SOD2: variants seen among roughly 807,000 people sequenced by gnomAD.
The protein encoded by SOD2 is superoxide dismutase [Mn], mitochondrial.
Under a neutral mutation model 27.0 loss-of-function variants are expected in SOD2, and 11 were observed. The observed-to-expected ratio is 0.41, with a 90% confidence interval of 0.26 to 0.67. SOD2 has a LOEUF of 0.67. SOD2 is among the 30% of genes least tolerant of loss of function. The pLI is 0.34. For missense variants in SOD2, 250 were observed against 274.5 expected (o/e 0.91, Z 0.63); for synonymous variants, 105 against 103.0 (o/e 1.02, Z -0.12).
chr6:159,712,525 A>AGCTGCTCTGACCTCCATAAC (rs1777835478), intron 1 of SOD2, among the ~76,000 whole-genome samples: 4 of 107,484 alleles, frequency 3.7e-5, no homozygotes, highest in Non-Finnish European at 6.1e-5. Context: ...ACCACCACTC[A>AGCTGCTCTGACCTCCATAAC]CACTGCTCTG....
intron 1 of SOD2, among the ~76,000 whole-genome samples, chr6:159,703,412 T>A (rs1777563294): frequency 6.6e-6 from 1 of 152,196 alleles, no homozygotes; most frequent in African/African-American, 2.4e-5. Context: ...CCTCTTTTTT[T>A]TTTTTTAAAG....
chr6:159,711,105 T>C (rs375298883), intron 1 of SOD2, among the ~76,000 whole-genome samples: 19 of 83,546 alleles, frequency 2.3e-4, no homozygotes, highest in African/African-American at 4.8e-4. Flanking sequence ...ACCACCTCCA[T>C]AACCACCACT....
At chr6:159,687,097 AAAC>A (rs1314968278) in intron 3 of SOD2, among the ~76,000 whole-genome samples, 1 of 152,324 alleles carries the variant, frequency 6.6e-6, no homozygotes, top group East Asian at 1.9e-4. Flanking sequence ...TTAATTCTCA[AAAC>A]AACACCATTG....
rs199844671 is a variant in SOD2, at chr6:159,716,676, T to C, written c.-116+10453A>G. 4.6e-5 allele frequency among the ~76,000 whole-genome samples: 7 copies of C among 152,080 alleles called. No homozygotes were observed. In the East Asian group the frequency reaches 1.3e-3, roughly 29 times the overall value. ...TGACGGGAGGGGGCAGTATTGAAAA[T>C]ATAGAAAGGGACACTTTCAGCTGTC... On this transcript the variant is annotated intron_variant, in intron 1 of 2. Coordinates refer to the SOD2 transcript ENST00000401980.
rs1168411272 is a variant in SOD2 at position 159,670,052 on chromosome 6, C to T, written c.*12441G>A. On this transcript the variant is annotated 3_prime_UTR_variant, in exon 5 of 5. Coordinates refer to ENST00000538183, the MANE Select transcript of SOD2 (RefSeq NM_000636.4). ...GATCTCTTTCACCCAGACTGGAGTG[C>T]AGTGTAGACTCACACTGTAATCACA... is the stretch of plus-strand genomic sequence containing the variant. 6.6e-6 allele frequency: 1 copy of T among 152,224 alleles called. No individual in the cohort carries two copies. The highest frequency in any genetic ancestry group is 6.5e-5 in the Admixed American group (1 of 15,274). The allele number at this position is 152,224 out of a possible 1,614,324, so 9.4% of individuals were successfully genotyped here.
intron 1 of SOD2, among the ~76,000 whole-genome samples, chr6:159,737,082 CTCTTG>C (rs1352162098): frequency 6.6e-6 from 1 of 152,196 alleles, no homozygotes. Flanking sequence ...GGGTCTTGCT[CTCTTG>C]CCCAGGTTGG....
chr6:159,712,628 A>G (rs917476572), intron 1 of SOD2, among the ~76,000 whole-genome samples: 9 of 146,254 alleles, frequency 6.2e-5, no homozygotes, highest in Non-Finnish European at 1.4e-4. Flanking sequence ...GACCTCCATA[A>G]CCACCTCCAT....
chr6:159,693,617 C>A (rs1180307445), upstream of SOD2, among the ~76,000 whole-genome samples: 1 of 152,188 alleles, frequency 6.6e-6, no homozygotes, highest in African/African-American at 2.4e-5. Context: ...CTGCACTAGG[C>A]GGCTGCGGCG....
At chr6:159,697,661 C>T (rs545019119), upstream of SOD2, among the ~76,000 whole-genome samples, 11 of 152,298 alleles carry the variant, frequency 7.2e-5, no homozygotes, top group East Asian at 9.6e-4. Context: ...CAAAGGGAGT[C>T]GGCATCATTG....
intron 1 of SOD2, among the ~76,000 whole-genome samples, chr6:159,752,062 CAAAA>C (rs60854821): frequency 1.1e-4 from 10 of 94,980 alleles, no homozygotes; most frequent in Admixed American, 4.7e-4. Context: ...ACCCCCATCT[CAAAA>C]AAAAAAAAAA....
At chr6:159,721,366 C>T (rs137857122) in intron 1 of SOD2, among the ~76,000 whole-genome samples, 93 of 148,990 alleles carry the variant, frequency 6.2e-4, no homozygotes, top group African/African-American at 2.2e-3. Flanking sequence ...CGTGCCCAGC[C>T]GTTTTATTTA....
At chr6:159,748,068 G>T, upstream of SOD2, 4 of 1,225,744 alleles carry the variant, frequency 3.3e-6, no homozygotes, top group South Asian at 1.7e-5. This position sits in a 1 kb window ranked among gnomAD's most constrained non-coding sequence, Gnocchi z 5.6. Flanking sequence ...AGAATTTCAG[G>T]ATCAAAGAGG....
intron 1 of SOD2, among the ~76,000 whole-genome samples, chr6:159,739,824 C>CTTTTTTTTTTTTTTTTTTTTTTTT (rs56389349): frequency 1.2e-5 from 1 of 85,158 alleles, no homozygotes; most frequent in Non-Finnish European, 2.2e-5. Flanking sequence ...CACTTTTTAC[C>CTTTTTTTTTTTTTTTTTTTTTTTT]TTTTTTTTTT....
At chr6:159,759,321 A>G (rs1329359067) in intron 1 of SOD2, among the ~76,000 whole-genome samples, 3 of 148,284 alleles carry the variant, frequency 2.0e-5, no homozygotes, top group Admixed American at 6.7e-5. Flanking sequence ...GGCCTCCCAA[A>G]GTGCTGGGAT....
intron 1 of SOD2, chr6:159,713,073 G>T: frequency 1.5e-6 from 1 of 672,772 alleles, no homozygotes; most frequent in Non-Finnish European, 2.6e-6. Context: ...GTTAAGAGGT[G>T]AATAGAAATT....
At chr6:159,753,633 T>C in intron 1 of SOD2, 1 of 1,587,234 alleles carries the variant, frequency 6.3e-7, no homozygotes, top group Non-Finnish European at 8.6e-7. Flanking sequence ...TTTGTTTCTT[T>C]TTGGAACGTT....
intron 1 of SOD2, chr6:159,755,289 C>T (rs1779960043): frequency 6.2e-7 from 1 of 1,614,094 alleles, no homozygotes; most frequent in South Asian, 1.1e-5. Flanking sequence ...ACGTCTGGGT[C>T]TGGATTTCAC....
rs1463603610 is a variant in SOD2 at position 159,671,358 on chromosome 6, G to A, written c.*11135C>T. On this transcript the variant is annotated 3_prime_UTR_variant, in exon 5 of 5. Coordinates refer to ENST00000538183, the MANE Select transcript of SOD2 (RefSeq NM_000636.4). ...AGGCACCCCCAAGTAGGGGCAGACTGACACCCCACATGGCCGGGTACCCCT... is the reference window on the plus strand; with the variant it reads ...AGGCACCCCCAAGTAGGGGCAGACTAACACCCCACATGGCCGGGTACCCCT... 2.0e-5 allele frequency: 3 copies of A among 152,412 alleles called. No individual in the cohort carries two copies. The highest frequency in any genetic ancestry group is 4.4e-5 in the Non-Finnish European group (3 of 68,256). 9.4% of individuals were successfully genotyped at this position (152,412 alleles called of 1,614,324 possible). A position where few individuals can be genotyped will look rare whatever the true frequency, so the allele number is the denominator to read the frequency against.
chr6:159,728,804 T>C (rs1322728374), upstream of SOD2, among the ~76,000 whole-genome samples: 3 of 152,248 alleles, frequency 2.0e-5, no homozygotes, highest in African/African-American at 7.2e-5. Flanking sequence ...GGTAGGTGTG[T>C]TTCTTACAGT....
Sources: allele counts gnomAD v4.1 joint callset (sites outside exome capture counted in the v4.1 genomes callset), GRCh38; gene constraint gnomAD v4.1.1; non-coding constraint Gnocchi (gnomAD v3.1); transcripts MANE v1.5; gene names NCBI Gene and HGNC (gene_info 2026-07-23, HGNC 2026-07-21).